CRACD: variants seen among roughly 807,000 people sequenced by gnomAD.
CRACD encodes capping protein-inhibiting regulator of actin dynamics.
In CRACD, 56 loss-of-function variants were observed where a neutral mutation model predicts 106.8. That is an observed-to-expected ratio of 0.52 (90% CI 0.42 to 0.66). The LOEUF is 0.66. CRACD is among the 30% of genes least tolerant of loss of function. The pLI is 0.00. For missense variants in CRACD, 1,730 were observed against 1,623.2 expected (o/e 1.07, Z -1.13); for synonymous variants, 754 against 670.8 (o/e 1.12, Z -1.92).
intron 1 of CRACD, among the ~76,000 whole-genome samples, chr4:56,064,694 TC>T (rs1732399979): frequency 6.6e-6 from 1 of 152,230 alleles, no homozygotes. Context: ...TACTCCTTGA[TC>T]TTACTCCCTC....
intron 1 of CRACD, among the ~76,000 whole-genome samples, chr4:56,162,718 G>A (rs1736002059): frequency 1.3e-5 from 2 of 152,206 alleles, no homozygotes; most frequent in African/African-American, 2.4e-5. Context: ...GCTTTTCACA[G>A]TGGGGGACAG....
At chr4:56,184,440 G>A (rs1490872824) in intron 2 of CRACD, among the ~76,000 whole-genome samples, 1 of 152,188 alleles carries the variant, frequency 6.6e-6, no homozygotes, top group Non-Finnish European at 1.5e-5. Flanking sequence ...GAATTAAAAC[G>A]ACACTTAGTC....
intron 4 of CRACD, among the ~76,000 whole-genome samples, chr4:56,304,312 C>CTT (rs10551073): frequency 3.1e-5 from 4 of 127,962 alleles, no homozygotes; most frequent in African/African-American, 1.1e-4. Flanking sequence ...GTTCTTATTC[C>CTT]TTTTTTTTTT....
In CRACD at chr4:56,328,446, G is replaced by A. The variant is rs1345529103; in HGVS notation, c.*642G>A. On this transcript the variant is annotated 3_prime_UTR_variant, in exon 11 of 11. Transcript: ENST00000682029. Reference sequence around the variant, plus strand: ...TTTTACCGCACTGTGGATTCATAGTGTGGGGCCCTGTTATTCCAATACCCT... The same window carrying A: ...TTTTACCGCACTGTGGATTCATAGTATGGGGCCCTGTTATTCCAATACCCT... 2 of 515,772 alleles carry A rather than the reference G, an allele frequency of 3.9e-6. No homozygotes were observed. Among genetic ancestry groups the A allele is most frequent in the Non-Finnish European group, 7.7e-6 (2 of 258,498 alleles). 31.9% of individuals were successfully genotyped at this position (515,772 alleles called of 1,614,324 possible). A position where few individuals can be genotyped will look rare whatever the true frequency, so the allele number is the denominator to read the frequency against.
chr4:56,172,594 C>G (rs1042318825), intron 1 of CRACD, among the ~76,000 whole-genome samples: 1 of 152,090 alleles, frequency 6.6e-6, no homozygotes, highest in African/African-American at 2.4e-5. Flanking sequence ...TCCTGAGTAG[C>G]TGGGATTACA....
intron 1 of CRACD, among the ~76,000 whole-genome samples, chr4:56,092,595 T>A (rs1006716017): frequency 1.3e-5 from 2 of 152,164 alleles, no homozygotes; most frequent in African/African-American, 2.4e-5. Flanking sequence ...TTATTTTATT[T>A]ATTTTTTAAT....
intron 1 of CRACD, among the ~76,000 whole-genome samples, chr4:56,091,050 TTTTA>T (rs529179361): frequency 6.6e-6 from 1 of 152,028 alleles, no homozygotes; most frequent in Non-Finnish European, 1.5e-5. Context: ...TTTCTTTCTT[TTTTA>T]TTTATTTATT....
At chr4:56,057,664 A>T (rs1732123966) in intron 1 of CRACD, among the ~76,000 whole-genome samples, 1 of 131,300 alleles carries the variant, frequency 7.6e-6, no homozygotes. Flanking sequence ...AGTCTCTGTC[A>T]TTCAGGCTAG....
At chr4:56,286,572 G>A (rs1048855077) in intron 3 of CRACD, among the ~76,000 whole-genome samples, 1 of 148,052 alleles carries the variant, frequency 6.8e-6, no homozygotes, top group Admixed American at 6.8e-5. Flanking sequence ...TTCAGAGAAA[G>A]CTGAATTGGA....
chr4:56,295,882 C>T (rs1743992846), intron 3 of CRACD, among the ~76,000 whole-genome samples: 1 of 151,884 alleles, frequency 6.6e-6, no homozygotes, highest in African/African-American at 2.4e-5. Context: ...CTTGGAAGCT[C>T]AGTTTGTGAC....
chr4:56,089,508 G>GA (rs1384700799), intron 1 of CRACD, among the ~76,000 whole-genome samples: 2 of 146,842 alleles, frequency 1.4e-5, no homozygotes, highest in African/African-American at 2.5e-5. Flanking sequence ...GGTATTATAG[G>GA]ATTTTTTTTT....
At chr4:56,165,909 G>T (rs1736123753) in intron 1 of CRACD, among the ~76,000 whole-genome samples, 1 of 152,202 alleles carries the variant, frequency 6.6e-6, no homozygotes. Flanking sequence ...TGCCCAGCCT[G>T]CAGTGTAGTA....
intron 1 of CRACD, among the ~76,000 whole-genome samples, chr4:56,153,835 C>T (rs1735672768): frequency 6.6e-6 from 1 of 152,178 alleles, no homozygotes; most frequent in Admixed American, 6.5e-5. Context: ...GGACAGGTGT[C>T]CTTTTGCCCT....
At chr4:56,171,073 A>G (rs1034551025) in intron 1 of CRACD, among the ~76,000 whole-genome samples, 1 of 152,176 alleles carries the variant, frequency 6.6e-6, no homozygotes, top group African/African-American at 2.4e-5. Context: ...AGAAACAAAT[A>G]AGATTTTTAA....
intron 2 of CRACD, among the ~76,000 whole-genome samples, chr4:56,239,207 C>T (rs78467733): frequency 2.3e-4 from 35 of 152,048 alleles, no homozygotes; most frequent in Non-Finnish European, 4.6e-4. Flanking sequence ...GCAGGAGAAT[C>T]GCTTGAACCT....
intron 2 of CRACD, among the ~76,000 whole-genome samples, chr4:56,183,189 C>T (rs569811773): frequency 1.3e-4 from 20 of 149,094 alleles, no homozygotes; most frequent in South Asian, 1.0e-3. Context: ...GCCAAGATTG[C>T]GCCGTTGCAC....
chr4:56,221,303 G>A (rs1739018935), intron 2 of CRACD, among the ~76,000 whole-genome samples: 1 of 152,168 alleles, frequency 6.6e-6, no homozygotes, highest in East Asian at 1.9e-4. Context: ...ACAACAGTAT[G>A]TTTGGTGTAC....
At chr4:56,071,128 T>C (rs1390175659) in intron 1 of CRACD, among the ~76,000 whole-genome samples, 1 of 152,208 alleles carries the variant, frequency 6.6e-6, no homozygotes, top group Non-Finnish European at 1.5e-5. Flanking sequence ...ATAGCCCTAT[T>C]TGTACTGACA....
At chr4:56,050,022 G>A (rs1320318011) in intron 1 of CRACD, 1 of 150,956 alleles carries the variant, frequency 6.6e-6, no homozygotes, top group Non-Finnish European at 1.5e-5. Flanking sequence ...GGTGGGTGGG[G>A]TATGGCTTTT....
Sources: allele counts gnomAD v4.1 joint callset (sites outside exome capture counted in the v4.1 genomes callset), GRCh38; gene constraint gnomAD v4.1.1; transcripts MANE v1.5; gene names NCBI Gene and HGNC (gene_info 2026-07-23, HGNC 2026-07-21).